Variants in IGF2R observed in about 807,000 individuals in gnomAD.
IGF2R encodes insulin like growth factor 2 receptor.
IGF2R carries 91 observed loss-of-function variants against 270.6 expected under a neutral mutation model. The ratio of observed to expected loss-of-function variants is 0.34; its 90% CI spans 0.28 to 0.40. The LOEUF (loss-of-function observed/expected upper bound fraction) is 0.40, where lower values mean the gene tolerates loss of function less well. Among genes scored for constraint, IGF2R ranks in the 10% least tolerant of loss-of-function variants. The probability of loss-of-function intolerance (pLI) is 1.00; values close to 1 mark genes in which losing one functional copy is unlikely to be tolerated. For missense variants in IGF2R, 2,805 were observed against 3,188.3 expected, an observed-to-expected ratio of 0.88 and a Z score of 2.90; for synonymous variants, 1,316 against 1,258.9, an observed-to-expected ratio of 1.05 and a Z score of -0.96.
Position 160,029,613 on chromosome 6 carries a change from T to C in IGF2R, c.840T>C (p.Pro280=), listed in dbSNP as rs778262300. Residue 280 remains proline (P), a synonymous_variant, in exon 7 of 48, where the codon CCT becomes CCC. Transcript: ENST00000356956. ...TAGACTTTTGTGATGGTCACAGCCC[T>C]GCGGTGACTATTACATTTGTTTGCC... ...GKLDFCDGHS[P]AVTITFVCPS... The C allele has an allele frequency of 2.5e-6, 4 of 1,613,860 alleles. No individual in the cohort carries two copies. Among genetic ancestry groups the C allele is most frequent in the Non-Finnish European group, 2.5e-6 (3 of 1,179,810 alleles).
rs1414809358 is a variant in IGF2R, at chr6:160,061,562, G to T, written c.3322G>T (p.Ala1108Ser). Residue 1108 changes from alanine (A) to serine (S), a missense_variant, in exon 24 of 48, where the codon GCT becomes TCT. This residue lies in a region of IGF2R where 1,851 missense variants were observed against 2,207.2 expected (regional missense o/e 0.84). Coordinates refer to ENST00000356956, the MANE Select transcript of IGF2R (RefSeq NM_000876.4). ...GLSTVRKPWTAVDTSVDGRKR... is the reference protein window; with the variant it reads ...GLSTVRKPWTSVDTSVDGRKR... ...AAGCACAGTCAGGAAACCTTGGACG[G>T]CTGTTGACACCTCTGTCGATGGGAG... 3.7e-5 allele frequency: 60 copies of T among 1,613,992 alleles called. No homozygotes were observed. The highest frequency in any genetic ancestry group is 5.1e-5 in the Non-Finnish European group (60 of 1,179,880).
In IGF2R at chr6:160,079,600, C is replaced by G. The variant is rs769784995; in HGVS notation, c.5499C>G (p.Thr1833=). ...STFKVTRDSR[T]YSVGVCTFAV... ...TCCAGGTGACTCGCGACTCGCGCACCTACAGCGTTGGGGTGTGCACCTTTG... is the reference window on the plus strand; with the variant it reads ...TCCAGGTGACTCGCGACTCGCGCACGTACAGCGTTGGGGTGTGCACCTTTG... The change falls in exon 38 of 48, where the codon ACC becomes ACG. Residue 1833 remains threonine, a synonymous_variant. Transcript: ENST00000356956. The G allele has an allele frequency of 6.8e-7, 1 of 1,466,294 alleles. No individual in the cohort carries two copies. Among genetic ancestry groups the G allele is most frequent in the Admixed American group, 2.5e-5 (1 of 39,288 alleles). 90.8% of individuals were successfully genotyped at this position (1,466,294 alleles called of 1,614,324 possible).
rs1583285771 is a variant in IGF2R, at chr6:160,061,447, C to G, written c.3263-56C>G. 3.2e-6 allele frequency: 5 copies of G among 1,571,122 alleles called. No homozygotes were observed. In the East Asian group the frequency reaches 1.1e-4, roughly 35 times the overall value. On this transcript the variant is annotated intron_variant, in intron 23 of 47. Transcript: ENST00000356956. ...GGCTTATTTAGGGTGAAAGGCAGTT[C>G]TTGAGTGCTCACAAGGAGGCAGAGT...
intron 25 of IGF2R, 120 bp downstream of exon 25, chr6:160,062,048 C>T: frequency 1.1e-6 from 1 of 908,984 alleles, no homozygotes; most frequent in Non-Finnish European, 1.7e-6. Flanking sequence ...GAGTTTCAGC[C>T]ATTGCTAGGG....
chr6:160,056,449 A>C lies in IGF2R; in HGVS notation c.2720A>C (p.Asn907Thr). 1.2e-6 allele frequency: 2 copies of C among 1,613,852 alleles called. No individual in the cohort carries two copies. Among genetic ancestry groups the C allele is most frequent in the Non-Finnish European group, 1.7e-6 (2 of 1,179,816 alleles). ...RLNSHPIFSL[N>T]WECVVSFLWN... Reference sequence around the variant, plus strand: ...AACAGCCACCCCATCTTTTCTCTCAACTGGGAGTGTGTGGTCAGTTTCCTG... The same window carrying C: ...AACAGCCACCCCATCTTTTCTCTCACCTGGGAGTGTGTGGTCAGTTTCCTG... Residue 907 changes from asparagine to threonine, a missense_variant, in exon 20 of 48, where the codon AAC becomes ACC. By Grantham distance (65) the Asn-to-Thr change is moderately conservative. Transcript: ENST00000356956.
chr6:159,970,343 C>T (rs1206683986), intron 1 of IGF2R, among the ~76,000 whole-genome samples: 1 of 152,094 alleles, frequency 6.6e-6, no homozygotes, highest in Non-Finnish European at 1.5e-5. Context: ...CAGTTTCTCC[C>T]TGTTACTGTT....
chr6:160,027,262 G>T lies in IGF2R; in HGVS notation c.724G>T (p.Ala242Ser). ...CGCCTGCCTGGTAAGAGGACACCAG[G>T]CGTTTGATGTTGGCCAGCCCCGGGA... Reference protein sequence around the residue: ...TAACLVRGHQAFDVGQPRDGL... With the variant: ...TAACLVRGHQSFDVGQPRDGL... The change falls in exon 6 of 48, where the codon GCG becomes TCG. Residue 242 changes from alanine (A) to serine (S), a missense_variant. Physicochemically the swap from Ala to Ser is moderately conservative, Grantham distance 99 (BLOSUM62 1). Transcript: ENST00000356956. 1 of 1,614,164 alleles carries T rather than the reference G, an allele frequency of 6.2e-7. No homozygotes were observed. Among genetic ancestry groups the T allele is most frequent in the Non-Finnish European group, 8.5e-7 (1 of 1,180,022 alleles).
chr6:159,976,816 A>T (rs185564717), intron 1 of IGF2R, among the ~76,000 whole-genome samples: 1 of 152,184 alleles, frequency 6.6e-6, no homozygotes. Flanking sequence ...AATGTGGTGG[A>T]ACTTACTGAC....
At chr6:159,992,342 C>T (rs918745324) in intron 2 of IGF2R, among the ~76,000 whole-genome samples, 1 of 152,074 alleles carries the variant, frequency 6.6e-6, no homozygotes, top group Admixed American at 6.5e-5. Flanking sequence ...GTACATTATA[C>T]CCAGTAGATA....
intron 29 of IGF2R, among the ~76,000 whole-genome samples, chr6:160,066,920 C>T (rs577712703): frequency 6.2e-4 from 95 of 152,346 alleles, no homozygotes; most frequent in Non-Finnish European, 7.2e-4. Flanking sequence ...CTCCTCCTCT[C>T]GTGCGTGCAG....
chr6:160,044,723 T>G, intron 13 of IGF2R, 66 bp downstream of exon 13: 4 of 1,232,402 alleles, frequency 3.2e-6, no homozygotes, highest in Non-Finnish European at 4.6e-6. Flanking sequence ...TCTTCATATC[T>G]CTGTTCCTCA....
Position 160,068,404 on chromosome 6 carries a change from G to C in IGF2R, c.4252+19G>C. On this transcript the variant is annotated intron_variant, in intron 30 of 47. Transcript: ENST00000356956. Reference sequence around the variant, plus strand: ...GGCACTGGTGAGAGAGGGCCTCCTCGTGGGGTGGTGTTTGCAGTGAGTGTA... The same window carrying C: ...GGCACTGGTGAGAGAGGGCCTCCTCCTGGGGTGGTGTTTGCAGTGAGTGTA... 4 of 1,610,856 alleles carry C rather than the reference G, an allele frequency of 2.5e-6. No homozygotes were observed. The highest frequency in any genetic ancestry group is 3.4e-6 in the Non-Finnish European group (4 of 1,179,154).
chr6:160,052,025 C>T lies in IGF2R; in HGVS notation c.2694+1373C>T, dbSNP rs115813995. Among the ~76,000 whole-genome samples the T allele has an allele frequency of 8.0e-3, 1,217 of 151,488 alleles. 15 individuals carry two copies. Among genetic ancestry groups the T allele is most frequent in the African/African-American group, 0.028 (1,145 of 41,246 alleles). ...AGGAGTCTCAGACTAGCCTGGGCAA[C>T]TTAGTGAGACCCCATCTCTACAAAA... On this transcript the variant is annotated intron_variant, in intron 19 of 47. Coordinates refer to ENST00000356956, the MANE Select transcript of IGF2R (RefSeq NM_000876.4).
At chr6:160,093,616 C>T (rs1489845823) in intron 44 of IGF2R, 19 of 709,696 alleles carry the variant, frequency 2.7e-5, no homozygotes, top group East Asian at 2.3e-4. Context: ...TCAATGCCTT[C>T]CTTCCAGAGG....
At chr6:160,060,199 C>T (rs1490272676) in intron 22 of IGF2R, among the ~76,000 whole-genome samples, 2 of 151,814 alleles carry the variant, frequency 1.3e-5, no homozygotes, top group African/African-American at 4.8e-5. Context: ...TAACACAGGC[C>T]ACCGTTGCAG....
chr6:160,064,775 T>A (rs779173020), intron 28 of IGF2R, 29 bp from the exon 29 acceptor site: 57 of 1,468,304 alleles, frequency 3.9e-5, no homozygotes, highest in Middle Eastern at 1.7e-4. Context: ...CATTCTCACT[T>A]TTATATATGT....
At chr6:160,044,433 T>TCTTTCTTTC (rs893110924) in intron 12 of IGF2R, 81 bp from the exon 13 acceptor site, 1 of 849,732 alleles carries the variant, frequency 1.2e-6, no homozygotes, top group African/African-American at 2.1e-5. Flanking sequence ...TCTTTCTTTC[T>TCTTTCTTTC]TTTTTTTTTA....
intron 4 of IGF2R, among the ~76,000 whole-genome samples, chr6:160,011,292 T>C (rs995739117): frequency 6.6e-6 from 1 of 152,190 alleles, no homozygotes; most frequent in African/African-American, 2.4e-5. Flanking sequence ...TGAGTCCAGG[T>C]CAGGTATCCC....
chr6:160,012,795 ATTTG>A lies in IGF2R; in HGVS notation c.513+2018_513+2021del, dbSNP rs1784359514. The stretch of plus-strand genomic sequence containing the variant: ...TTTTTTTTTGTTTGTTTGTTTGTTT[ATTTG>A]TTTGTTTTGTAGAGACGGGGTTTCT... On this transcript the variant is annotated intron_variant, in intron 4 of 47. Transcript: ENST00000356956. Among the ~76,000 whole-genome samples the A allele has an allele frequency of 1.3e-4, 16 of 123,442 alleles. No individual in the cohort carries two copies. In the South Asian group the frequency reaches 2.7e-3, roughly 21 times the overall value. The allele number at this position is 123,442 out of a possible 152,430, so 81.0% of individuals were successfully genotyped here.
Sources: gnomAD v4.1 joint callset for allele counts (sites outside exome capture counted in the v4.1 genomes callset) on GRCh38, gnomAD v4.1.1 for gene constraint, gnomAD v4.1.1 regional missense constraint, MANE v1.5 for transcripts, NCBI Gene and HGNC (gene_info 2026-07-23, HGNC 2026-07-21) for gene names.